The following BNC2 variants were observed in gnomAD, a reference collection of about 807,000 sequenced individuals.
BNC2 encodes basonuclin zinc finger protein 2, also known as zinc finger protein basonuclin-2.
In BNC2, 20 loss-of-function variants were observed where a neutral mutation model predicts 76.3. The ratio of observed to expected loss-of-function variants is 0.26; its 90% confidence interval spans 0.18 to 0.38. The LOEUF (loss-of-function observed/expected upper bound fraction) is 0.38, where lower values mean the gene tolerates loss of function less well. Ranked by LOEUF, BNC2 falls within the 10% of genes least tolerant of loss-of-function variation. The pLI is 1.00. For missense variants in BNC2, 1,382 were observed against 1,399.8 expected (o/e 0.99, Z 0.20); for synonymous variants, 582 against 514.8 (o/e 1.13, Z -1.77).
At chr9:16,808,261 GCT>G (rs2135815458) in intron 1 of BNC2, among the ~76,000 whole-genome samples, 1 of 152,058 alleles carries the variant, frequency 6.6e-6, no homozygotes, top group East Asian at 1.9e-4. Context: ...CTTTTGTTAG[GCT>G]AATTACCCAC....
At chr9:16,672,226 G>A (rs1822498094) in intron 3 of BNC2, among the ~76,000 whole-genome samples, 1 of 152,164 alleles carries the variant, frequency 6.6e-6, no homozygotes, top group African/African-American at 2.4e-5. Flanking sequence ...GGCCGGACGC[G>A]GTGGCTCATG....
chr9:16,544,508 G>C (rs1410370218), intron 5 of BNC2, among the ~76,000 whole-genome samples: 2 of 152,106 alleles, frequency 1.3e-5, no homozygotes, highest in Admixed American at 1.3e-4. Context: ...AAAAATGACA[G>C]TGTCATATAT....
intron 3 of BNC2, among the ~76,000 whole-genome samples, chr9:16,620,275 G>A (rs75866532): frequency 1.1e-3 from 173 of 152,284 alleles, no homozygotes; most frequent in Non-Finnish European, 1.5e-3. Flanking sequence ...ATAAAGATCA[G>A]AGCTAAAATA....
In BNC2 at chr9:16,624,645, T is replaced by C. The variant is rs113050320; in HGVS notation, c.331-41560A>G. Among the ~76,000 whole-genome samples the C allele has an allele frequency of 6.8e-4, 104 of 152,292 alleles. 1 individual carries two copies. Among genetic ancestry groups the C allele is most frequent in the African/African-American group, 2.3e-3 (95 of 41,564 alleles). ...CCTGTAGATCTTCTTTTTCCAAGCATGGAATCAGAATACCTCACTTGTAGA... is the reference window on the plus strand; with the variant it reads ...CCTGTAGATCTTCTTTTTCCAAGCACGGAATCAGAATACCTCACTTGTAGA... On this transcript the variant is annotated intron_variant, in intron 3 of 6. Transcript: ENST00000380672.
At chr9:16,661,977 A>G (rs998789948) in intron 3 of BNC2, among the ~76,000 whole-genome samples, 1 of 152,224 alleles carries the variant, frequency 6.6e-6, no homozygotes, top group Non-Finnish European at 1.5e-5. Flanking sequence ...AAACCACACT[A>G]ACAATTGTCT....
chr9:16,788,789 G>A (rs1207330282), intron 1 of BNC2, among the ~76,000 whole-genome samples: 1 of 152,086 alleles, frequency 6.6e-6, no homozygotes, highest in Non-Finnish European at 1.5e-5. Context: ...ACCCTGCCAA[G>A]GTTGACTTGC....
At chr9:16,701,983 C>T (rs906835927) in intron 3 of BNC2, among the ~76,000 whole-genome samples, 28 of 147,098 alleles carry the variant, frequency 1.9e-4, no homozygotes. Flanking sequence ...TATTAATGTA[C>T]TTCACATGGG....
chr9:16,867,763 T>C (rs1479732380), intron 1 of BNC2: 1 of 128,860 alleles, frequency 7.8e-6, no homozygotes, highest in Non-Finnish European at 1.6e-5. Flanking sequence ...ATTATCCAAC[T>C]TAAGTTGCTC....
chr9:16,438,813 T>C (rs1821071590), intron 5 of BNC2, among the ~76,000 whole-genome samples: 1 of 151,340 alleles, frequency 6.6e-6, no homozygotes, highest in Non-Finnish European at 1.5e-5. Context: ...CCACCGTGAG[T>C]AGAAATCACG....
rs531549651 is a variant in BNC2, at chr9:16,441,416, G to T, written c.670-3892C>A. 2.6e-5 allele frequency among the ~76,000 whole-genome samples: 4 copies of T among 152,354 alleles called. No individual in the cohort carries two copies. In the South Asian group the frequency reaches 8.3e-4, roughly 32 times the overall value. The stretch of plus-strand genomic sequence containing the variant: ...CTTACACAACCTAACAAGTGTGCAA[G>T]CTGGATGCTAAGAATGGCTAGCAGT... On this transcript the variant is annotated intron_variant, in intron 5 of 6. Transcript: ENST00000380672.
chr9:16,829,854 G>C (rs1818539726), intron 1 of BNC2, among the ~76,000 whole-genome samples: 1 of 152,080 alleles, frequency 6.6e-6, no homozygotes. Context: ...TATTTCCCCA[G>C]GGGAACAGAA....
chr9:16,524,490 C>T (rs910718121), intron 5 of BNC2, among the ~76,000 whole-genome samples: 1 of 150,816 alleles, frequency 6.6e-6, no homozygotes, highest in East Asian at 1.9e-4. Flanking sequence ...TTTCCATTTC[C>T]TGTTTTTTTT....
intron 1 of BNC2, among the ~76,000 whole-genome samples, chr9:16,844,303 T>G (rs1586928914): frequency 6.6e-6 from 1 of 152,062 alleles, no homozygotes; most frequent in Non-Finnish European, 1.5e-5. Flanking sequence ...ACTATTAATA[T>G]ACCAACTGCA....
At position 16,463,451 on chromosome 9, in the gene BNC2, T is replaced by C. The variant is rs201588431; in HGVS notation, c.670-25927A>G. Among the ~76,000 whole-genome samples the C allele has an allele frequency of 9.5e-5, 14 of 146,628 alleles. 1 individual carries two copies. Among genetic ancestry groups the C allele is most frequent in the Non-Finnish European group, 1.3e-4 (9 of 67,500 alleles). On this transcript the variant is annotated intron_variant, in intron 5 of 6. Transcript: ENST00000380672. ...AGCTGGGACTACAGGCGCCCGCCAC[T>C]ACGCCCGGCTAATTTTTTGTATTTT...
intron 1 of BNC2, among the ~76,000 whole-genome samples, chr9:16,836,987 GC>G (rs1233296984): frequency 1.3e-5 from 2 of 151,788 alleles, no homozygotes; most frequent in Non-Finnish European, 2.9e-5. Flanking sequence ...TTTTGGCTCT[GC>G]CAAAAAAAAA....
rs1340503764 is a variant in BNC2 at position 16,419,440 on chromosome 9, C to T, written c.2849G>A (p.Gly950Glu). 7 of 1,611,404 alleles carry T rather than the reference C, an allele frequency of 4.3e-6. No individual in the cohort carries two copies. Among genetic ancestry groups the T allele is most frequent in the Admixed American group, 1.7e-5 (1 of 59,838 alleles). Residue 950 changes from glycine (G) to glutamate (E), a missense_variant, in exon 7 of 7, where the codon GGG (glycine) becomes GAG (glutamate). Physicochemically the swap from Gly to Glu is moderately conservative, Grantham distance 98. Transcript: ENST00000380672. Reference protein sequence around the residue: ...GTEDSHLNGYGRGMAEDYMVL... With the variant: ...GTEDSHLNGYERGMAEDYMVL... ...CATGTAGTCCTCTGCCATGCCTCTC[C>T]CATACCCGTTCAGGTGGGAGTCTTC...
At chr9:16,697,461 C>T (rs527704699) in intron 3 of BNC2, among the ~76,000 whole-genome samples, 2 of 152,230 alleles carry the variant, frequency 1.3e-5, no homozygotes, top group East Asian at 1.9e-4. Context: ...GTGGCTCACG[C>T]CTGTAATTCT....
chr9:16,642,206 T>C (rs1821509121), intron 3 of BNC2, among the ~76,000 whole-genome samples: 4 of 152,212 alleles, frequency 2.6e-5, no homozygotes, highest in Admixed American at 1.3e-4. Context: ...TTTACTTTTA[T>C]ACTTTAAAGT....
chr9:16,713,021 A>C (rs1326609423), intron 3 of BNC2, among the ~76,000 whole-genome samples: 1 of 152,232 alleles, frequency 6.6e-6, no homozygotes, highest in Admixed American at 6.5e-5. Context: ...TTTCCCTAAG[A>C]AGAGAAGCAG....
Sources: gnomAD v4.1 joint callset for allele counts (sites outside exome capture counted in the v4.1 genomes callset) on GRCh38, gnomAD v4.1.1 for gene constraint, MANE v1.5 for transcripts, NCBI Gene and HGNC (gene_info 2026-07-23, HGNC 2026-07-21) for gene names.